The following C8A variants were observed in gnomAD, a reference collection of about 807,000 sequenced individuals.
The protein encoded by C8A is complement C8 alpha chain, also known as complement component C8 alpha chain.
C8A carries 67 observed loss-of-function variants against 65.3 expected under a neutral mutation model. The observed-to-expected ratio is 1.03, with a 90% CI of 0.84 to 1.26. The LOEUF is 1.26. Among genes scored for constraint, C8A ranks in the 50% most tolerant of loss-of-function variants. The probability of loss-of-function intolerance (pLI) is 0.00; values close to 1 mark genes in which losing one functional copy is unlikely to be tolerated. For synonymous variants in C8A, 290 were observed against 259.4 expected (o/e 1.12, Z -1.13); for missense variants, 781 against 723.9 (o/e 1.08, Z -0.90).
intron 2 of C8A, among the ~76,000 whole-genome samples, chr1:56,873,759 G>A (rs1295831323): frequency 6.6e-6 from 1 of 152,152 alleles, no homozygotes; most frequent in African/African-American, 2.4e-5. Context: ...AGGGCTGCAC[G>A]TTTCCTTGTC....
intron 7 of C8A, among the ~76,000 whole-genome samples, chr1:56,898,715 T>A (rs1274981096): frequency 6.6e-6 from 1 of 152,150 alleles, no homozygotes; most frequent in African/African-American, 2.4e-5. Context: ...ATCCTGTTAA[T>A]GTTGCATCCC....
intron 2 of C8A, among the ~76,000 whole-genome samples, chr1:56,871,177 A>G (rs1277127305): frequency 6.6e-6 from 1 of 152,186 alleles, no homozygotes; most frequent in Non-Finnish European, 1.5e-5. Flanking sequence ...AATTGTGCAA[A>G]TGCCTTAAAA....
At chr1:56,887,643 A>G (rs1644310517) in intron 7 of C8A, among the ~76,000 whole-genome samples, 1 of 152,168 alleles carries the variant, frequency 6.6e-6, no homozygotes, top group Non-Finnish European at 1.5e-5. Flanking sequence ...TCTCCCATCC[A>G]AAGGATTATA....
chr1:56,880,052 G>T (rs889138379), intron 4 of C8A, among the ~76,000 whole-genome samples: 1 of 152,142 alleles, frequency 6.6e-6, no homozygotes, highest in Non-Finnish European at 1.5e-5. Flanking sequence ...ATTTGAGTTG[G>T]CTCCTTAAGG....
intron 6 of C8A, among the ~76,000 whole-genome samples, chr1:56,884,072 A>C (rs1269162443): frequency 6.6e-6 from 1 of 152,016 alleles, no homozygotes; most frequent in African/African-American, 2.4e-5. Context: ...TATGCTAAAA[A>C]AAAAAAAAAA....
chr1:56,886,560 C>A (rs543451659), intron 7 of C8A, among the ~76,000 whole-genome samples: 3 of 152,184 alleles, frequency 2.0e-5, no homozygotes, highest in South Asian at 4.2e-4. Flanking sequence ...ATCTCAGACT[C>A]CTCCTTCTCC....
intron 7 of C8A, among the ~76,000 whole-genome samples, chr1:56,898,851 C>CAGGGGTGGTATCCT (rs1553176916): frequency 6.6e-6 from 1 of 152,124 alleles, no homozygotes; most frequent in Non-Finnish European, 1.5e-5. Flanking sequence ...ACTGCAGAGT[C>CAGGGGTGGTATCCT]AGGGGTGGTA....
chr1:56,861,617 T>C (rs193044574), intron 1 of C8A, among the ~76,000 whole-genome samples: 3 of 152,252 alleles, frequency 2.0e-5, no homozygotes, highest in Non-Finnish European at 4.4e-5. Flanking sequence ...GCAATCAACA[T>C]GAGTGGGGAC....
At chr1:56,861,006 C>T (rs1310650674) in intron 1 of C8A, among the ~76,000 whole-genome samples, 2 of 152,276 alleles carry the variant, frequency 1.3e-5, no homozygotes, top group Non-Finnish European at 2.9e-5. Flanking sequence ...ATACCTGAAG[C>T]TGTGTAGTTT....
intron 9 of C8A, among the ~76,000 whole-genome samples, chr1:56,908,834 C>T (rs1359260113): frequency 1.3e-5 from 2 of 152,214 alleles, no homozygotes; most frequent in East Asian, 3.8e-4. Context: ...GTATCCAGTT[C>T]TCACTTCTCT....
chr1:56,874,141 T>C (rs984831888), intron 2 of C8A, among the ~76,000 whole-genome samples: 5 of 152,228 alleles, frequency 3.3e-5, no homozygotes, highest in African/African-American at 2.4e-5. Context: ...ATGTCCACAG[T>C]TTCCAACAAT....
At chr1:56,906,934 A>G (rs1644471181) in intron 8 of C8A, 142 bp downstream of exon 8, 13 of 1,003,062 alleles carry the variant, frequency 1.3e-5, no homozygotes, top group Non-Finnish European at 1.9e-5. Flanking sequence ...ATACCCCAAA[A>G]CAATGACCTG....
intron 10 of C8A, among the ~76,000 whole-genome samples, chr1:56,913,218 C>A (rs1394822474): frequency 6.6e-6 from 1 of 152,206 alleles, no homozygotes; most frequent in African/African-American, 2.4e-5. Context: ...TCCAGCATGA[C>A]CTCATTTTAA....
intron 2 of C8A, among the ~76,000 whole-genome samples, chr1:56,868,532 C>G (rs1175134914): frequency 6.6e-6 from 1 of 152,006 alleles, no homozygotes; most frequent in Non-Finnish European, 1.5e-5. Flanking sequence ...GCAGGAGGAT[C>G]ACTTGCGCCC....
intron 1 of C8A, among the ~76,000 whole-genome samples, chr1:56,864,447 G>A (rs891658739): frequency 3.3e-5 from 5 of 152,106 alleles, no homozygotes; most frequent in Admixed American, 6.6e-5. Flanking sequence ...TCCCAATGAG[G>A]TTCAAGAAAA....
chr1:56,876,787 G>A (rs192701474), intron 4 of C8A, among the ~76,000 whole-genome samples: 1 of 151,396 alleles, frequency 6.6e-6, no homozygotes, highest in Non-Finnish European at 1.5e-5. Flanking sequence ...TTATGTTCAG[G>A]GTCAGTTCCT....
chr1:56,908,139 C>T (rs1389285555), intron 9 of C8A, 26 bp downstream of exon 9: 3 of 1,610,544 alleles, frequency 1.9e-6, no homozygotes, highest in African/African-American at 1.3e-5. Flanking sequence ...GTTGAAGAAA[C>T]TCTACGTCCA....
At chr1:56,866,918 C>T (rs1644094936) in intron 1 of C8A, among the ~76,000 whole-genome samples, 1 of 152,124 alleles carries the variant, frequency 6.6e-6, no homozygotes, top group South Asian at 2.1e-4. Flanking sequence ...ATGGGTTTTG[C>T]CATCAAACCA....
At chr1:56,901,641 A>G (rs1383089816) in intron 7 of C8A, among the ~76,000 whole-genome samples, 1 of 152,064 alleles carries the variant, frequency 6.6e-6, no homozygotes, top group Non-Finnish European at 1.5e-5. Flanking sequence ...ACTGATTTGC[A>G]TCTCTCTCTT....
Sources: allele counts gnomAD v4.1 joint callset (sites outside exome capture counted in the v4.1 genomes callset), GRCh38; gene constraint gnomAD v4.1.1; transcripts MANE v1.5; gene names NCBI Gene and HGNC (gene_info 2026-07-23, HGNC 2026-07-21).